The following SSR1 variants were observed in gnomAD, a reference collection of about 807,000 sequenced individuals.
The protein encoded by SSR1 is translocon-associated protein subunit alpha.
Under a neutral mutation model 36.1 loss-of-function variants are expected in SSR1, and 13 were observed. The observed-to-expected ratio is 0.36, with a 90% confidence interval of 0.23 to 0.57. The LOEUF (loss-of-function observed/expected upper bound fraction) is 0.57. SSR1 is among the 20% of genes least tolerant of loss of function. SSR1 has a pLI of 0.81. For synonymous variants in SSR1, 113 were observed against 118.9 expected, an observed-to-expected ratio of 0.95 and a Z score of 0.32; for missense variants, 291 against 338.5, an observed-to-expected ratio of 0.86 and a Z score of 1.10.
chr6:7,311,202 G>A (rs1325875957), intron 1 of SSR1, among the ~76,000 whole-genome samples: 1 of 152,142 alleles, frequency 6.6e-6, no homozygotes, highest in Non-Finnish European at 1.5e-5. Flanking sequence ...GTGTTACAAA[G>A]TACAGGTATA....
chr6:7,312,121 C>T (rs973715379), intron 1 of SSR1, among the ~76,000 whole-genome samples: 4 of 152,204 alleles, frequency 2.6e-5, no homozygotes, highest in Non-Finnish European at 5.9e-5. Context: ...GAAAGGGATG[C>T]TTAGTCAGAC....
chr6:7,313,187 T>G lies in SSR1; in HGVS notation c.-67A>C, dbSNP rs1219350560. On this transcript the variant is annotated 5_prime_UTR_variant, in exon 1 of 8. Coordinates refer to ENST00000244763, the MANE Select transcript of SSR1 (RefSeq NM_003144.5). ...CTCGGCGGCTCCGGCGGTAATGGCG[T>G]TACTCTTCATCCGGGCTCCGGGCAG... The G allele has an allele frequency of 6.9e-7, 1 of 1,445,098 alleles. No homozygotes were observed. Among genetic ancestry groups the G allele is most frequent in the East Asian group, 2.6e-5 (1 of 38,096 alleles). The allele number at this position is 1,445,098 out of a possible 1,614,324, so 89.5% of individuals were successfully genotyped here. A position where few individuals can be genotyped will look rare whatever the true frequency, so the allele number is the denominator to read the frequency against.
chr6:7,284,281 G>A lies in SSR1; in HGVS notation c.*5583C>T, dbSNP rs1444253177. On this transcript the variant is annotated 3_prime_UTR_variant, in exon 8 of 8. Transcript: ENST00000244763. Reference sequence around the variant, plus strand: ...GTTTTTAAAAAGAACTGGATGTGCAGGTGTAAGAGATTTATTACAAAACAA... The same window carrying A: ...GTTTTTAAAAAGAACTGGATGTGCAAGTGTAAGAGATTTATTACAAAACAA... 6.6e-6 allele frequency: 1 copy of A among 152,156 alleles called. No homozygotes were observed. The highest frequency in any genetic ancestry group is 2.4e-5 in the African/African-American group (1 of 41,434). 9.4% of individuals were successfully genotyped at this position (152,156 alleles called of 1,614,324 possible).
intron 1 of SSR1, among the ~76,000 whole-genome samples, 162 bp downstream of exon 1, chr6:7,312,880 A>AC (rs1758238843): frequency 6.6e-6 from 1 of 152,128 alleles, no homozygotes; most frequent in Non-Finnish European, 1.5e-5. Context: ...GCCCGCGGGG[A>AC]CCCCTGCTGC....
In SSR1 at chr6:7,303,538, C is replaced by T. The variant is rs79754124; in HGVS notation, c.280+12G>A. On this transcript the variant is annotated intron_variant, in intron 3 of 7. Coordinates refer to ENST00000244763, the MANE Select transcript of SSR1 (RefSeq NM_003144.5). ...GCCTACATCTGAATTAAAACTAATACTTCTGTATTACCTTCTCCTTTTACA... is the reference window on the plus strand; with the variant it reads ...GCCTACATCTGAATTAAAACTAATATTTCTGTATTACCTTCTCCTTTTACA... The T allele has an allele frequency of 0.012, 18,335 of 1,590,226 alleles. 354 individuals carry two copies. Among genetic ancestry groups the T allele is most frequent in the African/African-American group, 0.073 (5,394 of 73,852 alleles).
At chr6:7,307,993 C>T (rs181553149) in intron 2 of SSR1, among the ~76,000 whole-genome samples, 10 of 152,314 alleles carry the variant, frequency 6.6e-5, no homozygotes, top group African/African-American at 2.4e-4. Context: ...AGATGGATTC[C>T]CTTCCAACCA....
intron 2 of SSR1, among the ~76,000 whole-genome samples, chr6:7,309,589 G>C (rs1284198320): frequency 2.6e-5 from 4 of 152,244 alleles, no homozygotes; most frequent in Admixed American, 2.6e-4. Flanking sequence ...CCTGGTGGGA[G>C]GTAAATGAAT....
Position 7,286,916 on chromosome 6 carries a change from C to CAAAAAAAAAAAA in SSR1, c.*2936_*2947dup, listed in dbSNP as rs55986029. On this transcript the variant is annotated 3_prime_UTR_variant, in exon 8 of 8. Coordinates refer to ENST00000244763, the MANE Select transcript of SSR1 (RefSeq NM_003144.5). ...GACACAGAGACTCCGTCTCAGGGGG[C>CAAAAAAAAAAAA]AAAAAAAAAAAAAAAAAAAAAAGTA... The CAAAAAAAAAAAA allele has an allele frequency of 2.3e-5, 2 of 87,876 alleles. No individual in the cohort carries two copies. The highest frequency in any genetic ancestry group is 4.5e-5 in the African/African-American group (1 of 22,032). 5.4% of individuals were successfully genotyped at this position (87,876 alleles called of 1,614,324 possible).
At chr6:7,291,401 GAAA>G (rs1757677146) in intron 7 of SSR1, among the ~76,000 whole-genome samples, 1 of 151,814 alleles carries the variant, frequency 6.6e-6, no homozygotes, top group Admixed American at 6.6e-5. Context: ...CCGTGTCTCA[GAAA>G]AATAAAAAAA....
chr6:7,307,632 T>C (rs9392143), intron 2 of SSR1, among the ~76,000 whole-genome samples: 46,131 of 152,110 alleles, frequency 0.3, 7,741 homozygotes, highest in African/African-American at 0.45. Context: ...ACACTGAACT[T>C]CTGGGCTCAA....
At chr6:7,292,554 C>CAT (rs1757706363) in intron 7 of SSR1, among the ~76,000 whole-genome samples, 1 of 151,680 alleles carries the variant, frequency 6.6e-6, no homozygotes. Context: ...CCTTTCTTTT[C>CAT]TTTTTTTTCT....
rs377047652 is a variant in SSR1 at position 7,313,129 on chromosome 6, C to G, written c.-9G>C. 1 of 1,599,930 alleles carries G rather than the reference C, an allele frequency of 6.3e-7. No homozygotes were observed. Among genetic ancestry groups the G allele is most frequent in the Non-Finnish European group, 8.5e-7 (1 of 1,173,024 alleles). The stretch of plus-strand genomic sequence containing the variant: ...CGGGGGAGGAGTCTCATGGCGCTGC[C>G]GGTCCAGTGTCCAGTTTCCGTCGGC... On this transcript the variant is annotated 5_prime_UTR_variant, in exon 1 of 8. Coordinates refer to ENST00000244763, the MANE Select transcript of SSR1 (RefSeq NM_003144.5).
chr6:7,299,378 C>G (rs1294246687), intron 4 of SSR1, among the ~76,000 whole-genome samples: 1 of 152,128 alleles, frequency 6.6e-6, no homozygotes. Context: ...AGAACTAGAT[C>G]GGAACAAAAG....
At chr6:7,310,638 C>A (rs545189003) in intron 1 of SSR1, among the ~76,000 whole-genome samples, 1 of 152,196 alleles carries the variant, frequency 6.6e-6, no homozygotes, top group African/African-American at 2.4e-5. Context: ...TTGGCCGGCG[C>A]GGTGGCTCAC....
Position 7,283,094 on chromosome 6 carries a change from T to A in SSR1, c.*6770A>T, listed in dbSNP as rs1371568136. On this transcript the variant is annotated 3_prime_UTR_variant, in exon 8 of 8. Coordinates refer to ENST00000244763, the MANE Select transcript of SSR1 (RefSeq NM_003144.5). Reference sequence around the variant, plus strand: ...CTTTTACTTATTATTTATGTACTTATTTTTTGAGACAGTCTCACTCTGTCA... The same window carrying A: ...CTTTTACTTATTATTTATGTACTTAATTTTTGAGACAGTCTCACTCTGTCA... The A allele has an allele frequency of 6.6e-6, 1 of 152,208 alleles. No individual in the cohort carries two copies. The highest frequency in any genetic ancestry group is 2.4e-5 in the African/African-American group (1 of 41,444). 9.4% of individuals were successfully genotyped at this position (152,208 alleles called of 1,614,324 possible).
In SSR1 at chr6:7,313,103, G is replaced by A. The variant is rs1295542454; in HGVS notation, c.18C>T (p.Arg6=). The change falls in exon 1 of 8, where the codon CGC becomes CGT. Residue 6 remains arginine, a synonymous_variant. Transcript: ENST00000244763. ...ACACGAGTAAGAGAAGCAGCAGCAAGCGGGGGAGGAGTCTCATGGCGCTGC... is the reference window on the plus strand; with the variant it reads ...ACACGAGTAAGAGAAGCAGCAGCAAACGGGGGAGGAGTCTCATGGCGCTGC... MRLLP[R]LLLLLLLVFP... The A allele has an allele frequency of 6.2e-7, 1 of 1,607,670 alleles. No homozygotes were observed. The highest frequency in any genetic ancestry group is 8.5e-7 in the Non-Finnish European group (1 of 1,176,960).
At chr6:7,297,806 C>A in intron 6 of SSR1, 117 bp downstream of exon 6, 3 of 661,796 alleles carry the variant, frequency 4.5e-6, no homozygotes, top group Non-Finnish European at 5.2e-6. Context: ...AAAGGTACAA[C>A]AAAGTTCTAC....
chr6:7,292,251 C>T (rs1757700935), intron 7 of SSR1, among the ~76,000 whole-genome samples: 1 of 152,198 alleles, frequency 6.6e-6, no homozygotes, highest in African/African-American at 2.4e-5. Flanking sequence ...CCAAACACAT[C>T]TCTCCTCATC....
At chr6:7,311,489 G>A (rs1003386498) in intron 1 of SSR1, among the ~76,000 whole-genome samples, 1 of 152,148 alleles carries the variant, frequency 6.6e-6, no homozygotes. Flanking sequence ...AAATATTAAA[G>A]AACACTGAAC....
Sources: gnomAD v4.1 joint callset for allele counts (sites outside exome capture counted in the v4.1 genomes callset) on GRCh38, gnomAD v4.1.1 for gene constraint, MANE v1.5 for transcripts, NCBI Gene and HGNC (gene_info 2026-07-23, HGNC 2026-07-21) for gene names.